Variants in STAG1 observed in about 807,000 individuals in gnomAD.
STAG1 encodes STAG1 cohesin complex component.
In STAG1, 26 loss-of-function variants were observed where a neutral mutation model predicts 170.9. The observed-to-expected ratio is 0.15, with a 90% CI of 0.11 to 0.21. The LOEUF (loss-of-function observed/expected upper bound fraction) is 0.21. STAG1 is among the 10% of genes least tolerant of loss of function. The probability of loss-of-function intolerance (pLI) is 1.00; values close to 1 mark genes in which losing one functional copy is unlikely to be tolerated. For missense variants in STAG1, 964 were observed against 1,509.5 expected, an observed-to-expected ratio of 0.64 and a Z score of 5.99; for synonymous variants, 514 against 497.7, an observed-to-expected ratio of 1.03 and a Z score of -0.44.
In STAG1 at chr3:136,736,914, A is replaced by T. The variant is rs1326072891; in HGVS notation, c.-84+15281T>A. The T allele has an allele frequency of 2.5e-6, 4 of 1,585,838 alleles. No individual in the cohort carries two copies. The African/African-American group carries it at 5.4e-5, about 21-fold the overall frequency. On this transcript the variant is annotated intron_variant, in intron 1 of 33. Transcript: ENST00000383202. ...CCAGGGTCCTCTTCTTTTGCTCCTG[A>T]TCTAGTAGCAACTTGTAAGCTTTGT...
intron 3 of STAG1, among the ~76,000 whole-genome samples, chr3:136,618,164 C>T (rs533087773): frequency 1.3e-5 from 2 of 151,986 alleles, no homozygotes; most frequent in East Asian, 3.9e-4. Flanking sequence ...ATTCCAATCA[C>T]CTGCTCCACC....
At chr3:136,685,142 C>T (rs1336735527) in intron 1 of STAG1, among the ~76,000 whole-genome samples, 1 of 152,060 alleles carries the variant, frequency 6.6e-6, no homozygotes, top group Non-Finnish European at 1.5e-5. Context: ...TGGTGAAACC[C>T]CATCTCTACT....
chr3:136,741,122 G>A (rs1386135457), intron 1 of STAG1, among the ~76,000 whole-genome samples: 8 of 152,158 alleles, frequency 5.3e-5, no homozygotes, highest in Non-Finnish European at 7.4e-5. Context: ...ACATGTCCCA[G>A]AGCAAAAAGC....
At chr3:136,717,606 G>C (rs568429264) in intron 1 of STAG1, among the ~76,000 whole-genome samples, 20 of 152,294 alleles carry the variant, frequency 1.3e-4, no homozygotes, top group African/African-American at 4.8e-4. Context: ...GGAGGGTGCA[G>C]TGAGCGGAGA....
At chr3:136,524,724 C>G (rs1252060460) in intron 6 of STAG1, among the ~76,000 whole-genome samples, 2 of 145,518 alleles carry the variant, frequency 1.4e-5, no homozygotes, top group African/African-American at 2.4e-5. Flanking sequence ...ATGATACTGG[C>G]TGTGGGTTTG....
chr3:136,644,058 A>C (rs1940899865), intron 1 of STAG1, among the ~76,000 whole-genome samples: 1 of 152,212 alleles, frequency 6.6e-6, no homozygotes, highest in Admixed American at 6.5e-5. Flanking sequence ...TTTGCTTATC[A>C]CAAACCTGAA....
rs114823312 is a variant in STAG1 at position 136,645,398 on chromosome 3, G to A, written c.-83-14417C>T. On this transcript the variant is annotated intron_variant, in intron 1 of 33. Transcript: ENST00000383202. ...TCCATGCTCTATTCTAGGTTAAATG[G>A]TAAGTTTCATTGACTTCAGCCCCAA... 3.2e-3 allele frequency among the ~76,000 whole-genome samples: 485 copies of A among 152,112 alleles called. 5 individuals are homozygous for A. Among genetic ancestry groups the A allele is most frequent in the African/African-American group, 0.011 (469 of 41,480 alleles).
intron 1 of STAG1, among the ~76,000 whole-genome samples, chr3:136,724,377 C>T (rs9830653): frequency 0.65 from 97,875 of 149,888 alleles, 34,261 homozygotes; most frequent in African/African-American, 0.9. Flanking sequence ...GTGCAAGATG[C>T]GCTTTGTTAA....
At chr3:136,622,256 T>C (rs768403099) in intron 3 of STAG1, among the ~76,000 whole-genome samples, 1 of 150,858 alleles carries the variant, frequency 6.6e-6, no homozygotes, top group Non-Finnish European at 1.5e-5. Flanking sequence ...GAGGTGGAGG[T>C]TGCAGTGAGC....
chr3:136,511,464 C>A (rs1304810288), intron 7 of STAG1, among the ~76,000 whole-genome samples: 3 of 152,128 alleles, frequency 2.0e-5, no homozygotes, highest in Non-Finnish European at 4.4e-5. Context: ...GGCTTTGCAG[C>A]CATAAAAAAG....
At chr3:136,439,294 T>C (rs1344330014) in intron 15 of STAG1, among the ~76,000 whole-genome samples, 2 of 151,714 alleles carry the variant, frequency 1.3e-5, no homozygotes, top group Non-Finnish European at 2.9e-5. Flanking sequence ...GGTTATGGTC[T>C]TGTTACCTGG....
chr3:136,369,992 G>C (rs1207600382), intron 23 of STAG1, among the ~76,000 whole-genome samples: 2 of 152,102 alleles, frequency 1.3e-5, no homozygotes, highest in Non-Finnish European at 2.9e-5. Context: ...TATCTAACTT[G>C]TGTATAGAAC....
intron 12 of STAG1, among the ~76,000 whole-genome samples, chr3:136,469,483 G>A (rs1169374491): frequency 6.6e-6 from 1 of 152,194 alleles, no homozygotes; most frequent in Non-Finnish European, 1.5e-5. Flanking sequence ...TGAAATAAAA[G>A]ACGACACAAA....
At chr3:136,507,617 G>A (rs890380337) in intron 7 of STAG1, among the ~76,000 whole-genome samples, 14 of 152,132 alleles carry the variant, frequency 9.2e-5, no homozygotes, top group East Asian at 3.9e-4. Flanking sequence ...ATTCTCCCAC[G>A]TCAGCCTCCC....
At chr3:136,427,679 C>A (rs992899399) in intron 16 of STAG1, among the ~76,000 whole-genome samples, 3 of 149,754 alleles carry the variant, frequency 2.0e-5, no homozygotes, top group Non-Finnish European at 4.5e-5. Flanking sequence ...AAAAAAAATT[C>A]TTAAAGCCAT....
At chr3:136,649,574 T>C (rs1414352191) in intron 1 of STAG1, among the ~76,000 whole-genome samples, 1 of 139,730 alleles carries the variant, frequency 7.2e-6, no homozygotes, top group Non-Finnish European at 1.6e-5. Flanking sequence ...GCCAATGAAA[T>C]AAATACAGAA....
intron 1 of STAG1, among the ~76,000 whole-genome samples, chr3:136,687,732 G>A (rs184562457): frequency 3.3e-5 from 5 of 149,496 alleles, no homozygotes; most frequent in African/African-American, 7.5e-5. Context: ...TCTAAGAAGA[G>A]ACCAATTTTT....
At chr3:136,633,238 T>C (rs112021304) in intron 1 of STAG1, among the ~76,000 whole-genome samples, 7 of 145,032 alleles carry the variant, frequency 4.8e-5, no homozygotes, top group African/African-American at 1.6e-4. Context: ...TTAAAAAATG[T>C]GATCATTGAA....
At chr3:136,367,378 G>A (rs1357289254) in intron 24 of STAG1, among the ~76,000 whole-genome samples, 1 of 151,946 alleles carries the variant, frequency 6.6e-6, no homozygotes, top group Non-Finnish European at 1.5e-5. Context: ...TGTGGATGCA[G>A]AACCCACAGA....
Sources: gnomAD v4.1 joint callset for allele counts (sites outside exome capture counted in the v4.1 genomes callset) on GRCh38, gnomAD v4.1.1 for gene constraint, MANE v1.5 for transcripts, NCBI Gene and HGNC (gene_info 2026-07-23, HGNC 2026-07-21) for gene names.